The following OR10C1 variants were observed in gnomAD, a reference collection of about 807,000 sequenced individuals.
OR10C1 encodes the protein olfactory receptor family 10 subfamily C member 1.
For missense variants in OR10C1, 388 were observed against 392.1 expected, an observed-to-expected ratio of 0.99 and a Z score of 0.09; for synonymous variants, 183 against 174.4, an observed-to-expected ratio of 1.05 and a Z score of -0.39.
rs1197650288 is a variant in OR10C1 at position 29,440,169 on chromosome 6, G to T, written c.154G>T (p.Ala52Ser). 1 of 1,613,668 alleles carries T rather than the reference G, an allele frequency of 6.2e-7. No homozygotes were observed. Among genetic ancestry groups the T allele is most frequent in the Non-Finnish European group, 8.5e-7 (1 of 1,180,020 alleles). The part of the protein sequence containing the change: ...FLIVVLVSTD[A>S]ALQSPMYFFL... The stretch of plus-strand genomic sequence containing the variant: ...CATTGTGGTGCTGGTCTCCACTGAT[G>T]CTGCCCTCCAGTCCCCTATGTACTT... Residue 52 changes from alanine to serine, a missense_variant, in exon 1 of 1, where the codon GCT becomes TCT. Ala to Ser is a moderately conservative substitution (Grantham distance 99). Coordinates refer to ENST00000444197, the MANE Select transcript of OR10C1 (RefSeq NM_013941.4).
chr6:29,439,372 G>A lies in OR10C1; in HGVS notation c.-644G>A, dbSNP rs1263785363. 1 of 152,126 alleles carries A rather than the reference G, an allele frequency of 6.6e-6. No individual in the cohort carries two copies. The highest frequency in any genetic ancestry group is 1.9e-4 in the East Asian group (1 of 5,198). 9.4% of individuals were successfully genotyped at this position (152,126 alleles called of 1,614,324 possible). On this transcript the variant is annotated 5_prime_UTR_variant, in exon 1 of 1. An upstream start codon of the reference 5' UTR is lost. Coordinates refer to ENST00000444197, the MANE Select transcript of OR10C1 (RefSeq NM_013941.4). ...GAGCATGTTTTAAAACTAGAGAAAT[G>A]CTCACCCCTCTAAATAGTTGAACTG...
At position 29,440,587 on chromosome 6, in the gene OR10C1, C is replaced by A; in HGVS notation, c.572C>A (p.Thr191Asn). 1 of 1,613,924 alleles carries A rather than the reference C, an allele frequency of 6.2e-7. No individual in the cohort carries two copies. The highest frequency in any genetic ancestry group is 8.5e-7 in the Non-Finnish European group (1 of 1,179,952). ...QPVLQLVCGDTSLNELQIILA... is the reference protein window; with the variant it reads ...QPVLQLVCGDNSLNELQIILA... ...GTCCTGCAGCTGGTATGTGGAGACA[C>A]CTCGCTTAATGAACTGCAGATTATC... is the stretch of plus-strand genomic sequence containing the variant. The change falls in exon 1 of 1, where the codon ACC becomes AAC. Residue 191 changes from threonine (T) to asparagine (N), a missense_variant. By Grantham distance (65) the Thr-to-Asn change is moderately conservative. Transcript: ENST00000444197.
chr6:29,439,685 G>A lies in OR10C1; in HGVS notation c.-331G>A. 1 of 351,332 alleles carries A rather than the reference G, an allele frequency of 2.8e-6. No individual in the cohort carries two copies. The highest frequency in any genetic ancestry group is 5.1e-6 in the Non-Finnish European group (1 of 195,090). The allele number at this position is 351,332 out of a possible 1,614,324, so 21.8% of individuals were successfully genotyped here. A position where few individuals can be genotyped will look rare whatever the true frequency, so the allele number is the denominator to read the frequency against. ...AAAATCAGAAAAGAGTGAAAAGGGA[G>A]CTAGACTGACTTAATCTTCAGCCCA... On this transcript the variant is annotated 5_prime_UTR_variant, in exon 1 of 1. Coordinates refer to ENST00000444197, the MANE Select transcript of OR10C1 (RefSeq NM_013941.4).
In OR10C1 at chr6:29,440,075, C is replaced by T. The variant is rs780483887; in HGVS notation, c.60C>T (p.Ala20=). 2.4e-5 allele frequency: 38 copies of T among 1,613,060 alleles called. No individual in the cohort carries two copies. The highest frequency in any genetic ancestry group is 5.0e-5 in the Admixed American group (3 of 60,002). Residue 20 remains alanine (A), a synonymous_variant, in exon 1 of 1, where the codon GCC becomes GCT. Coordinates refer to ENST00000444197, the MANE Select transcript of OR10C1 (RefSeq NM_013941.4). ...EFLLLGFSHL[A]DLQGLLFSVF... is the part of the protein sequence containing the mutation. ...TTCTTCTCGGCTTCTCCCACCTGGC[C>T]GACCTCCAGGGCTTGCTCTTCTCTG...
rs759552911 is a variant in OR10C1, at chr6:29,440,036, G to A, written c.21G>A (p.Met7Ile). The A allele has an allele frequency of 1.3e-5, 21 of 1,612,912 alleles. No homozygotes were observed. Among genetic ancestry groups the A allele is most frequent in the East Asian group, 2.2e-5 (1 of 44,888 alleles). The change falls in exon 1 of 1, where the codon ATG becomes ATA. Residue 7 changes from methionine (M) to isoleucine (I), a missense_variant. Coordinates refer to ENST00000444197, the MANE Select transcript of OR10C1 (RefSeq NM_013941.4). ...GCAGGATGAGTGCAAACACCTCCAT[G>A]GTGACTGAGTTTCTTCTTCTCGGCT... MSANTS[M>I]VTEFLLLGFS...
chr6:29,440,293 G>C lies in OR10C1; in HGVS notation c.278G>C (p.Arg93Pro), dbSNP rs1324923117. The C allele has an allele frequency of 6.2e-7, 1 of 1,613,872 alleles. No homozygotes were observed. Among genetic ancestry groups the C allele is most frequent in the Non-Finnish European group, 8.5e-7 (1 of 1,180,030 alleles). The change falls in exon 1 of 1, where the codon CGC (arginine) becomes CCC (proline). Residue 93 changes from arginine (R) to proline (P), a missense_variant. Coordinates refer to ENST00000444197, the MANE Select transcript of OR10C1 (RefSeq NM_013941.4). The stretch of plus-strand genomic sequence containing the variant: ...CTTACTGGCCGGCGCCACATCTCTC[G>C]CTCTGGATGTGCTCTCCAGATGTTC... ...HLLTGRRHIS[R>P]SGCALQMFFF...
In OR10C1 at chr6:29,440,728, C is replaced by G; in HGVS notation, c.713C>G (p.Ser238Cys). Residue 238 changes from serine (S) to cysteine (C), a missense_variant, in exon 1 of 1, where the codon TCC (serine) becomes TGC (cysteine). By Grantham distance (112) the Ser-to-Cys change is moderately radical. Transcript: ENST00000444197. ...PSVAGRRKAFSTCSSHLIMVS... is the reference protein window; with the variant it reads ...PSVAGRRKAFCTCSSHLIMVS... ...GTTGCGGGCCGCCGCAAGGCCTTCT[C>G]CACCTGCTCCTCCCACCTGATCATG... 2 of 1,613,924 alleles carry G rather than the reference C, an allele frequency of 1.2e-6. No homozygotes were observed.
At position 29,440,482 on chromosome 6, in the gene OR10C1, TG is replaced by T. The variant is rs757135249; in HGVS notation, c.470del (p.Gly157AlafsTer88). The stretch of plus-strand genomic sequence containing the variant: ...TGGGCCTGTGGGGTGCTGGTGGGGC[TG>T]GGCCACACCCCTTTCATCTTCTCTT... ...SAWACGVLVG[L>X]GHTPFIFSLP... On this transcript the variant is annotated frameshift_variant, in exon 1 of 1. Transcript: ENST00000444197. LOFTEE classifies it low-confidence loss of function (END_TRUNC). The T allele has an allele frequency of 4.3e-6, 7 of 1,613,374 alleles. No homozygotes were observed. The highest frequency in any genetic ancestry group is 5.1e-6 in the Non-Finnish European group (6 of 1,179,586).
chr6:29,440,322 T>C lies in OR10C1; in HGVS notation c.307T>C (p.Phe103Leu). ...TGGATGTGCTCTCCAGATGTTCTTC[T>C]TCCTCTTCTTTGGCGCCACGGAGTG... ...RSGCALQMFF[F>L]LFFGATECCL... is the part of the protein sequence containing the mutation. The change falls in exon 1 of 1, where the codon TTC (phenylalanine) becomes CTC (leucine). Residue 103 changes from phenylalanine (F) to leucine (L), a missense_variant. Coordinates refer to ENST00000444197, the MANE Select transcript of OR10C1 (RefSeq NM_013941.4). 4 of 1,614,114 alleles carry C rather than the reference T, an allele frequency of 2.5e-6. No individual in the cohort carries two copies. Among genetic ancestry groups the C allele is most frequent in the Non-Finnish European group, 3.4e-6 (4 of 1,180,038 alleles).
rs1783991824 is a variant in OR10C1, at chr6:29,440,149, T to C, written c.134T>C (p.Val45Ala). The change falls in exon 1 of 1, where the codon GTG (valine) becomes GCG (alanine). Residue 45 changes from valine to alanine, a missense_variant. Transcript: ENST00000444197. ...ACCGTGGCAGGCAATTTCCTCATTG[T>C]GGTGCTGGTCTCCACTGATGCTGCC... ...LLTVAGNFLIVVLVSTDAALQ... is the reference protein window; with the variant it reads ...LLTVAGNFLIAVLVSTDAALQ... The C allele has an allele frequency of 6.2e-7, 1 of 1,613,486 alleles. No homozygotes were observed. Among genetic ancestry groups the C allele is most frequent in the African/African-American group, 1.3e-5 (1 of 74,918 alleles).
rs1783997819 is a variant in OR10C1 at position 29,440,186 on chromosome 6, T to C, written c.171T>C (p.Pro57=). ...LVSTDAALQS[P]MYFFLRTLSA... is the part of the protein sequence containing the mutation. ...CCACTGATGCTGCCCTCCAGTCCCC[T>C]ATGTACTTCTTCCTGCGCACCCTCT... Residue 57 remains proline (P), a synonymous_variant, in exon 1 of 1, where the codon CCT becomes CCC. Transcript: ENST00000444197. 1.2e-6 allele frequency: 2 copies of C among 1,613,802 alleles called. No individual in the cohort carries two copies. The highest frequency in any genetic ancestry group is 4.5e-5 in the East Asian group (2 of 44,876).
At position 29,440,127 on chromosome 6, in the gene OR10C1, G is replaced by C; in HGVS notation, c.112G>C (p.Val38Leu). ...CTTTCTCACTATCTACCTGCTGACC[G>C]TGGCAGGCAATTTCCTCATTGTGGT... ...SVFLTIYLLT[V>L]AGNFLIVVLV... The change falls in exon 1 of 1, where the codon GTG (valine) becomes CTG (leucine). Residue 38 changes from valine to leucine, a missense_variant. Physicochemically the swap from Val to Leu is conservative, Grantham distance 32. Coordinates refer to ENST00000444197, the MANE Select transcript of OR10C1 (RefSeq NM_013941.4). The C allele has an allele frequency of 6.2e-7, 1 of 1,613,356 alleles. No individual in the cohort carries two copies. The highest frequency in any genetic ancestry group is 8.5e-7 in the Non-Finnish European group (1 of 1,180,002).
chr6:29,439,675 T>A lies in OR10C1; in HGVS notation c.-341T>A. ...GAAGAATTGGAAAATCAGAAAAGAG[T>A]GAAAAGGGAGCTAGACTGACTTAAT... On this transcript the variant is annotated 5_prime_UTR_variant, in exon 1 of 1. An upstream open reading frame in the 5' UTR loses its in-frame stop. Transcript: ENST00000444197. 1 of 285,950 alleles carries A rather than the reference T, an allele frequency of 3.5e-6. No homozygotes were observed. Among genetic ancestry groups the A allele is most frequent in the Non-Finnish European group, 6.4e-6 (1 of 155,062 alleles). 17.7% of individuals were successfully genotyped at this position (285,950 alleles called of 1,614,324 possible). A position where few individuals can be genotyped will look rare whatever the true frequency, so the allele number is the denominator to read the frequency against.
rs772472470 is a variant in OR10C1, at chr6:29,439,942, C to T, written c.-74C>T. ...AGATGCAGAGAGAGGTCATCTTTGC[C>T]CATTTCACGATTCCATAGTTGTGAT... On this transcript the variant is annotated 5_prime_UTR_variant, in exon 1 of 1. Transcript: ENST00000444197. 2.6e-6 allele frequency: 3 copies of T among 1,141,778 alleles called. No individual in the cohort carries two copies. Among genetic ancestry groups the T allele is most frequent in the Non-Finnish European group, 3.9e-6 (3 of 777,336 alleles). The allele number at this position is 1,141,778 out of a possible 1,614,324, so 70.7% of individuals were successfully genotyped here.
In OR10C1 at chr6:29,440,874, A is replaced by G. The variant is rs1323416272; in HGVS notation, c.859A>G (p.Ile287Val). The G allele has an allele frequency of 5.0e-6, 8 of 1,613,766 alleles. No homozygotes were observed. Among genetic ancestry groups the G allele is most frequent in the Non-Finnish European group, 5.9e-6 (7 of 1,179,926 alleles). Residue 287 changes from isoleucine to valine, a missense_variant, in exon 1 of 1, where the codon ATC (isoleucine) becomes GTC (valine). Coordinates refer to ENST00000444197, the MANE Select transcript of OR10C1 (RefSeq NM_013941.4). ...TGTGGTCACCCCCATCCTCAACCCC[A>G]TCATCTACAGCCTGCGGAACACAGA... ...YAVVTPILNP[I>V]IYSLRNTEVK...
chr6:29,440,699 A>G lies in OR10C1; in HGVS notation c.684A>G (p.Pro228=), dbSNP rs2074465. 37,079 of 1,613,992 alleles carry G rather than the reference A, an allele frequency of 0.023. 1,171 individuals are homozygous for G. The highest frequency in any genetic ancestry group is 0.12 in the African/African-American group (9,254 of 74,996). ...TCCTCGTTACCATCTTCCGGATCCC[A>G]TCTGTTGCGGGCCGCCGCAAGGCCT... ...GRILVTIFRI[P]SVAGRRKAFS... The change falls in exon 1 of 1, where the codon CCA becomes CCG. Residue 228 remains proline, a synonymous_variant. Transcript: ENST00000444197.
chr6:29,440,034 A>T lies in OR10C1; in HGVS notation c.19A>T (p.Met7Leu), dbSNP rs1041029440. The change falls in exon 1 of 1, where the codon ATG becomes TTG. Residue 7 changes from methionine to leucine, a missense_variant. Met to Leu is a conservative substitution (Grantham distance 15). Coordinates refer to ENST00000444197, the MANE Select transcript of OR10C1 (RefSeq NM_013941.4). ...AGGCAGGATGAGTGCAAACACCTCC[A>T]TGGTGACTGAGTTTCTTCTTCTCGG... MSANTS[M>L]VTEFLLLGFS... The T allele has an allele frequency of 6.2e-7, 1 of 1,613,080 alleles. No homozygotes were observed. The highest frequency in any genetic ancestry group is 1.3e-5 in the African/African-American group (1 of 75,024).
rs1427036204 is a variant in OR10C1 at position 29,439,690 on chromosome 6, A to G, written c.-326A>G. ...CAGAAAAGAGTGAAAAGGGAGCTAG[A>G]CTGACTTAATCTTCAGCCCAGGTAA... On this transcript the variant is annotated 5_prime_UTR_variant, in exon 1 of 1. Transcript: ENST00000444197. 2 of 368,618 alleles carry G rather than the reference A, an allele frequency of 5.4e-6. No homozygotes were observed. The highest frequency in any genetic ancestry group is 9.7e-6 in the Non-Finnish European group (2 of 206,020). 22.8% of individuals were successfully genotyped at this position (368,618 alleles called of 1,614,324 possible).
At position 29,440,496 on chromosome 6, in the gene OR10C1, T is replaced by C. The variant is rs1253802865; in HGVS notation, c.481T>C (p.Phe161Leu). The C allele has an allele frequency of 1.2e-6, 2 of 1,613,682 alleles. No homozygotes were observed. The highest frequency in any genetic ancestry group is 1.7e-6 in the Non-Finnish European group (2 of 1,179,960). ...GVLVGLGHTP[F>L]IFSLPFCGPN... ...GCTGGTGGGGCTGGGCCACACCCCT[T>C]TCATCTTCTCTTTGCCCTTCTGCGG... is the stretch of plus-strand genomic sequence containing the variant. Residue 161 changes from phenylalanine (F) to leucine (L), a missense_variant, in exon 1 of 1, where the codon TTC (phenylalanine) becomes CTC (leucine). Phe to Leu is a conservative substitution (Grantham distance 22, BLOSUM62 0). Coordinates refer to ENST00000444197, the MANE Select transcript of OR10C1 (RefSeq NM_013941.4).
Sources: gnomAD v4.1 joint callset for allele counts on GRCh38, gnomAD v4.1.1 for gene constraint, MANE v1.5 for transcripts, NCBI Gene and HGNC (gene_info 2026-07-23, HGNC 2026-07-21) for gene names.